The following CHD6 variants were observed in gnomAD, a reference collection of about 807,000 sequenced individuals.
The protein encoded by CHD6 is ATP-dependent chromatin remodeler CHD6.
A neutral mutation model predicts 276.9 loss-of-function variants in CHD6; 50 were observed. That is an observed-to-expected ratio of 0.18 (90% CI 0.14 to 0.23). CHD6 has a LOEUF of 0.23. Among genes scored for constraint, CHD6 ranks in the 10% least tolerant of loss-of-function variants. The pLI is 1.00. For synonymous variants in CHD6, 1,173 were observed against 1,229.3 expected (o/e 0.95, Z 0.96); for missense variants, 2,564 against 3,365.8 (o/e 0.76, Z 5.89).
At chr20:41,443,909 T>C (rs925759663) in intron 25 of CHD6, among the ~76,000 whole-genome samples, 2 of 152,220 alleles carry the variant, frequency 1.3e-5, no homozygotes, top group Non-Finnish European at 2.9e-5. Context: ...CCACCTTGGT[T>C]TTCTGTATGT....
intron 36 of CHD6, among the ~76,000 whole-genome samples, chr20:41,408,406 G>A (rs950278840): frequency 8.5e-5 from 13 of 152,168 alleles, no homozygotes; most frequent in African/African-American, 2.9e-4. Flanking sequence ...AGGATCACTG[G>A]GGACGCAATT....
rs1056225967 is a variant in CHD6, at chr20:41,445,759, A to C, written c.3783T>G (p.Asp1261Glu). Residue 1261 changes from aspartate (D) to glutamate (E), a missense_variant, in exon 25 of 37, where the codon GAT becomes GAG. Transcript: ENST00000373233. ...AFEGSPAREL[D>E]VPLPDIDYME... ...TGTAGTCGATGTCAGGCAGAGGTAC[A>C]TCCAGCTCCCTAGGGAAGGAAGGGT... 5 of 1,611,068 alleles carry C rather than the reference A, an allele frequency of 3.1e-6. No individual in the cohort carries two copies. The highest frequency in any genetic ancestry group is 1.7e-5 in the Admixed American group (1 of 59,992).
chr20:41,460,690 T>C (rs1030769378), intron 17 of CHD6, among the ~76,000 whole-genome samples: 1 of 152,216 alleles, frequency 6.6e-6, no homozygotes, highest in Admixed American at 6.5e-5. Context: ...TGCAAATGCC[T>C]GGATGTCCAA....
chr20:41,450,500 T>G (rs2048203802), intron 23 of CHD6, among the ~76,000 whole-genome samples: 1 of 151,878 alleles, frequency 6.6e-6, no homozygotes. Flanking sequence ...CGACCCCAGC[T>G]GTTAGCCTAC....
intron 3 of CHD6, among the ~76,000 whole-genome samples, chr20:41,517,588 G>A (rs1003209203): frequency 1.3e-5 from 2 of 152,196 alleles, no homozygotes; most frequent in Non-Finnish European, 2.9e-5. Flanking sequence ...GTTCAGAAGA[G>A]GAGACTCAGG....
intron 1 of CHD6, among the ~76,000 whole-genome samples, chr20:41,554,791 G>A (rs960108597): frequency 2.0e-5 from 3 of 152,148 alleles, no homozygotes; most frequent in Admixed American, 6.5e-5. Flanking sequence ...TTTCTACACA[G>A]ACACGGCAAC....
At chr20:41,580,296 TAAC>T (rs1041775764) in intron 1 of CHD6, among the ~76,000 whole-genome samples, 1 of 152,158 alleles carries the variant, frequency 6.6e-6, no homozygotes, top group African/African-American at 2.4e-5. Context: ...TATTGTACCT[TAAC>T]AATATTTTCC....
intron 1 of CHD6, among the ~76,000 whole-genome samples, chr20:41,573,052 G>C (rs2045435790): frequency 6.6e-6 from 1 of 152,042 alleles, no homozygotes. Context: ...TGGGACTACA[G>C]TCGCCCGCCA....
chr20:41,491,781 C>T lies in CHD6; in HGVS notation c.1353G>A (p.Lys451=). The part of the protein sequence containing the change: ...PASDSWQKLE[K]SREYKNSNQL... ...GGTTACTGTTCTTATACTCGCGAGA[C>T]TTCTCAAGTTTCTGCCAGGAGTCTG... is the stretch of plus-strand genomic sequence containing the variant. Residue 451 remains lysine (K), a synonymous_variant, in exon 11 of 37, where the codon AAG becomes AAA. Transcript: ENST00000373233. 1.9e-6 allele frequency: 3 copies of T among 1,613,922 alleles called. No homozygotes were observed. In the South Asian group the frequency reaches 3.3e-5, roughly 18 times the overall value.
At position 41,421,279 on chromosome 20, in the gene CHD6, T is replaced by C. The variant is rs2047182465; in HGVS notation, c.5356A>G (p.Lys1786Glu). The change falls in exon 31 of 37, where the codon AAG becomes GAG. Residue 1786 changes from lysine to glutamate, a missense_variant. Lys to Glu is a moderately conservative substitution (Grantham distance 56). Around this residue, in one of 7 missense-constraint regions of CHD6, gnomAD observed 1,024 missense variants for 1,047.9 expected, o/e 0.98. Coordinates refer to ENST00000373233, the MANE Select transcript of CHD6 (RefSeq NM_032221.5). ...NGKHLLMSIS[K>E]EGELCCSEAG... ...TCACTGCAGCAGAGCTCCCCTTCCT[T>C]TGAAATAGACATCAACAAATGTTTT... 1.9e-6 allele frequency: 3 copies of C among 1,614,120 alleles called. No individual in the cohort carries two copies. The highest frequency in any genetic ancestry group is 4.5e-5 in the East Asian group (2 of 44,878).
At chr20:41,419,097 G>A (rs528139555) in intron 31 of CHD6, among the ~76,000 whole-genome samples, 6 of 152,298 alleles carry the variant, frequency 3.9e-5, no homozygotes, top group South Asian at 2.1e-4. Context: ...GGCCTGCCAT[G>A]AGGAGGATCA....
intron 16 of CHD6, chr20:41,482,584 T>C: frequency 2.0e-6 from 1 of 500,518 alleles, no homozygotes; most frequent in South Asian, 1.5e-5. Flanking sequence ...GTTTCTATGA[T>C]CTTGAAAGTC....
rs542138430 is a variant in CHD6, at chr20:41,452,434, C to T, written c.3323+306G>A. Reference sequence around the variant, plus strand: ...TTGGCGATAACATGTGTTGTGTGGACTCCTTGTATATCCTTGCGGGGTGGG... The same window carrying T: ...TTGGCGATAACATGTGTTGTGTGGATTCCTTGTATATCCTTGCGGGGTGGG... On this transcript the variant is annotated intron_variant, in intron 21 of 36. Coordinates refer to ENST00000373233, the MANE Select transcript of CHD6 (RefSeq NM_032221.5). The surrounding 1 kb of genome is among the most constrained non-coding windows in gnomAD (Gnocchi z 4.2). Among the ~76,000 whole-genome samples, 27 of 152,236 alleles carry T rather than the reference C, an allele frequency of 1.8e-4. No individual in the cohort carries two copies. Among genetic ancestry groups the T allele is most frequent in the Non-Finnish European group, 3.1e-4 (21 of 68,044 alleles).
chr20:41,540,150 G>A (rs2044913680), intron 2 of CHD6, among the ~76,000 whole-genome samples: 1 of 152,138 alleles, frequency 6.6e-6, no homozygotes, highest in Non-Finnish European at 1.5e-5. Flanking sequence ...TTCTGTGGTA[G>A]TATCTAGAAA....
At chr20:41,446,123 C>T (rs564137482) in intron 24 of CHD6, among the ~76,000 whole-genome samples, 1 of 152,306 alleles carries the variant, frequency 6.6e-6, no homozygotes, top group Admixed American at 6.5e-5. Context: ...ATATATTGGA[C>T]ATCTGAAGGT....
chr20:41,581,492 T>C (rs771714839), intron 1 of CHD6, among the ~76,000 whole-genome samples: 9 of 152,050 alleles, frequency 5.9e-5, no homozygotes, highest in Admixed American at 4.6e-4. Context: ...CTGGCCAACA[T>C]GGTGAAACCC....
intron 1 of CHD6, among the ~76,000 whole-genome samples, chr20:41,560,353 G>A (rs565702884): frequency 5.8e-4 from 88 of 152,222 alleles, no homozygotes; most frequent in African/African-American, 1.5e-3. Flanking sequence ...TGTGGGTTCC[G>A]ACTCCTGCCC....
chr20:41,497,641 G>A, intron 7 of CHD6, 140 bp from the exon 8 acceptor site: 2 of 703,246 alleles, frequency 2.8e-6, no homozygotes, highest in Non-Finnish European at 5.1e-6. Flanking sequence ...ATTGGGCTTA[G>A]AAAGACCTTC....
chr20:41,451,667 A>G (rs2048244310), intron 22 of CHD6, among the ~76,000 whole-genome samples, 159 bp downstream of exon 22: 1 of 152,240 alleles, frequency 6.6e-6, no homozygotes, highest in Non-Finnish European at 1.5e-5. Context: ...GGAGATTCTG[A>G]GGCAGAAACG....
Sources: allele counts gnomAD v4.1 joint callset (sites outside exome capture counted in the v4.1 genomes callset), GRCh38; gene constraint gnomAD v4.1.1; regional missense constraint gnomAD v4.1.1; non-coding constraint Gnocchi (gnomAD v3.1); transcripts MANE v1.5; gene names NCBI Gene and HGNC (gene_info 2026-07-23, HGNC 2026-07-21).